The following ACACB variants were observed in gnomAD, a reference collection of about 807,000 sequenced individuals.
The protein encoded by ACACB is acetyl-CoA carboxylase 2.
A neutral mutation model predicts 278.8 loss-of-function variants in ACACB; 209 were observed. The observed-to-expected ratio is 0.75, with a 90% confidence interval of 0.67 to 0.84. The LOEUF is 0.84. ACACB is among the 40% of genes least tolerant of loss of function. The pLI is 0.00. For synonymous variants in ACACB, 1,174 were observed against 1,285.6 expected (o/e 0.91, Z 1.86); for missense variants, 2,850 against 3,269.0 (o/e 0.87, Z 3.13).
intron 4 of ACACB, among the ~76,000 whole-genome samples, chr12:109,170,514 C>T (rs773815813): frequency 3.9e-5 from 6 of 152,068 alleles, no homozygotes; most frequent in Admixed American, 6.6e-5. Flanking sequence ...ACCTTGAGGA[C>T]GTTATGCTGG....
chr12:109,186,048 A>G (rs964128990), intron 12 of ACACB, among the ~76,000 whole-genome samples: 2 of 152,138 alleles, frequency 1.3e-5, no homozygotes, highest in African/African-American at 2.4e-5. Context: ...CTCCTGCCTC[A>G]GTCTCCCAAG....
At chr12:109,162,185 G>A (rs1270394919) in intron 2 of ACACB, among the ~76,000 whole-genome samples, 4 of 151,892 alleles carry the variant, frequency 2.6e-5, no homozygotes, top group Admixed American at 2.0e-4. Context: ...CATCATGTTG[G>A]CCAGGCTGGT....
intron 12 of ACACB, among the ~76,000 whole-genome samples, chr12:109,186,803 G>A (rs889148506): frequency 4.6e-5 from 7 of 152,050 alleles, no homozygotes; most frequent in Admixed American, 3.9e-4. Flanking sequence ...TTTTTGGAGG[G>A]ATGATGGCTC....
chr12:109,235,248 C>A, intron 31 of ACACB, 65 bp from the exon 32 acceptor site: 2 of 1,357,414 alleles, frequency 1.5e-6, no homozygotes, highest in Non-Finnish European at 1.1e-6. Context: ...TGGTAACATG[C>A]AGCAATACTT....
At chr12:109,156,302 G>A (rs2043533109) in intron 2 of ACACB, among the ~76,000 whole-genome samples, 1 of 152,014 alleles carries the variant, frequency 6.6e-6, no homozygotes, top group African/African-American at 2.4e-5. Context: ...GGCCAAGGCA[G>A]GAGAACTGCT....
intron 12 of ACACB, among the ~76,000 whole-genome samples, chr12:109,186,083 A>C (rs567020982): frequency 6.6e-6 from 1 of 152,144 alleles, no homozygotes; most frequent in East Asian, 1.9e-4. Context: ...GGCGCCCGCC[A>C]CCACGCCTGG....
intron 16 of ACACB, 110 bp from the exon 17 acceptor site, chr12:109,196,898 C>T (rs1252788323): frequency 2.4e-6 from 3 of 1,275,112 alleles, no homozygotes; most frequent in Non-Finnish European, 2.0e-6. Flanking sequence ...GGGTGTTCAT[C>T]TTGGCCCTCT....
At chr12:109,195,320 C>A (rs1199109547) in intron 16 of ACACB, among the ~76,000 whole-genome samples, 2 of 152,204 alleles carry the variant, frequency 1.3e-5, no homozygotes, top group African/African-American at 2.4e-5. Context: ...TTAGTACTTT[C>A]TATTTAATAT....
chr12:109,167,655 T>TATATA (rs1438380921), intron 3 of ACACB, among the ~76,000 whole-genome samples: 1 of 66,508 alleles, frequency 1.5e-5, no homozygotes. Flanking sequence ...ATATATATAT[T>TATATA]TCAGACAAAC....
At chr12:109,114,883 T>TCACAG (rs2042373720), upstream of ACACB, among the ~76,000 whole-genome samples, 2 of 152,142 alleles carry the variant, frequency 1.3e-5, no homozygotes, top group South Asian at 2.1e-4. Context: ...AAACAAAAAA[T>TCACAG]GTAACTTGAT....
intron 4 of ACACB, 135 bp from the exon 5 acceptor site, chr12:109,171,670 A>G (rs189491677): frequency 5.9e-6 from 4 of 672,458 alleles, no homozygotes; most frequent in South Asian, 1.9e-5. Flanking sequence ...ATTTTCATAC[A>G]TGTTTGTCCA....
chr12:109,216,885 G>T lies in ACACB; in HGVS notation c.3529G>T (p.Val1177Leu), dbSNP rs184066600. 67 of 1,613,992 alleles carry T rather than the reference G, an allele frequency of 4.2e-5. No homozygotes were observed. The African/African-American group carries it at 8.1e-4, about 20-fold the overall frequency. The change falls in exon 24 of 53, where the codon GTG becomes TTG. Residue 1177 changes from valine to leucine, a missense_variant. This residue lies in a region of ACACB where 2,265 missense variants were observed against 2,561.3 expected (regional missense o/e 0.88). Coordinates refer to ENST00000338432, the MANE Select transcript of ACACB (RefSeq NM_001093.4). ...VLDCIFSHAQ[V>L]AKKNQLVIML... ...GGACTGCATCTTCTCCCACGCACAG[G>T]TGGCCAAGAAGAACCAGCTGGTGAT...
At chr12:109,171,698 T>C in intron 4 of ACACB, 107 bp from the exon 5 acceptor site, 1 of 819,958 alleles carries the variant, frequency 1.2e-6, no homozygotes, top group Non-Finnish European at 2.0e-6. Context: ...CATAGAAATC[T>C]GCATGGTTCT....
At chr12:109,190,757 A>G (rs917680112) in intron 13 of ACACB, among the ~76,000 whole-genome samples, 10 of 151,898 alleles carry the variant, frequency 6.6e-5, no homozygotes, top group Admixed American at 3.3e-4. Context: ...CCTCCTGAGT[A>G]GCTGGGACTA....
intron 7 of ACACB, among the ~76,000 whole-genome samples, chr12:109,175,314 T>C (rs1682491960): frequency 6.6e-6 from 1 of 152,192 alleles, no homozygotes; most frequent in African/African-American, 2.4e-5. Context: ...TGGGAAATAA[T>C]TATTCACATA....
intron 2 of ACACB, among the ~76,000 whole-genome samples, chr12:109,145,882 G>T (rs1409702653): frequency 5.9e-5 from 9 of 152,008 alleles, no homozygotes; most frequent in African/African-American, 2.2e-4. Flanking sequence ...GGTGGCAGGT[G>T]CCTGTAATCC....
At chr12:109,215,689 C>T (rs1468586262) in intron 22 of ACACB, among the ~76,000 whole-genome samples, 4 of 152,110 alleles carry the variant, frequency 2.6e-5, no homozygotes, top group South Asian at 2.1e-4. Flanking sequence ...GGCGTGAACC[C>T]GGGAGGTGGA....
At chr12:109,216,741 T>TG (rs765654305) in intron 23 of ACACB, 35 bp downstream of exon 23, 2 of 1,613,970 alleles carry the variant, frequency 1.2e-6, no homozygotes, top group South Asian at 2.2e-5. Flanking sequence ...AGTGGGATGG[T>TG]GGGGGGCGTG....
intron 36 of ACACB, chr12:109,241,986 AAGACTCTCAAGC>A (rs1372564989): frequency 6.4e-6 from 1 of 155,260 alleles, no homozygotes; most frequent in African/African-American, 2.4e-5. Context: ...TTGAAGACTG[AAGACTCTCAAGC>A]AGTTGCAAAA....
Sources: allele counts gnomAD v4.1 joint callset (sites outside exome capture counted in the v4.1 genomes callset), GRCh38; gene constraint gnomAD v4.1.1; regional missense constraint gnomAD v4.1.1; transcripts MANE v1.5; gene names NCBI Gene and HGNC (gene_info 2026-07-23, HGNC 2026-07-21).